Variants in ZFHX4 observed in about 807,000 individuals in gnomAD.
ZFHX4 encodes the protein zinc finger homeobox protein 4.
A neutral mutation model predicts 267.6 loss-of-function variants in ZFHX4; 56 were observed. The observed-to-expected ratio is 0.21, with a 90% CI of 0.17 to 0.26. The LOEUF is 0.26. Ranked by LOEUF, ZFHX4 falls within the 10% of genes least tolerant of loss-of-function variation. The probability of loss-of-function intolerance (pLI) is 1.00; values close to 1 mark genes in which losing one functional copy is unlikely to be tolerated. For synonymous variants in ZFHX4, 1,778 were observed against 1,665.6 expected (o/e 1.07, Z -1.64); for missense variants, 4,332 against 4,420.0 (o/e 0.98, Z 0.56).
intron 3 of ZFHX4, among the ~76,000 whole-genome samples, chr8:76,761,888 T>G (rs1809923870): frequency 6.6e-6 from 1 of 152,202 alleles, no homozygotes; most frequent in South Asian, 2.1e-4. Context: ...TAGGATCACT[T>G]GAGAATACTT....
chr8:76,824,409 A>G (rs1395342540), intron 4 of ZFHX4, among the ~76,000 whole-genome samples: 2 of 152,086 alleles, frequency 1.3e-5, no homozygotes, highest in Admixed American at 6.6e-5. Flanking sequence ...GATTGTTCGT[A>G]TCTTCTCATC....
rs762365099 is a variant in ZFHX4, at chr8:76,852,480, A to G, written c.5559A>G (p.Pro1853=). The G allele has an allele frequency of 1.3e-5, 20 of 1,588,696 alleles. No homozygotes were observed. The highest frequency in any genetic ancestry group is 9.2e-5 in the South Asian group (8 of 87,164). The change falls in exon 10 of 11, where the codon CCA becomes CCG. Residue 1853 remains proline, a synonymous_variant. Coordinates refer to ENST00000651372, the MANE Select transcript of ZFHX4 (RefSeq NM_024721.5). The part of the protein sequence containing the change: ...SADCQIMKDV[P]SYKEAEDISE... The stretch of plus-strand genomic sequence containing the variant: ...ACTGCCAAATCATGAAGGATGTGCC[A>G]TCTTATAAGGAGGCAGAAGATATTT...
rs566742230 is a variant in ZFHX4 at position 76,761,079 on chromosome 8, T to C, written c.3094-17129T>C. Among the ~76,000 whole-genome samples, 6 of 152,332 alleles carry C rather than the reference T, an allele frequency of 3.9e-5. No individual in the cohort carries two copies. The South Asian group carries it at 1.2e-3, about 32-fold the overall frequency. Reference sequence around the variant, plus strand: ...TCCATCACAAGGGAAAAGTGTCCTGTATCCCAATTTCAGTTAACCCATTCT... The same window carrying C: ...TCCATCACAAGGGAAAAGTGTCCTGCATCCCAATTTCAGTTAACCCATTCT... On this transcript the variant is annotated intron_variant, in intron 3 of 10. Coordinates refer to ENST00000651372, the MANE Select transcript of ZFHX4 (RefSeq NM_024721.5).
At chr8:76,847,254 C>T (rs575100350) in intron 6 of ZFHX4, among the ~76,000 whole-genome samples, 16 of 152,062 alleles carry the variant, frequency 1.1e-4, no homozygotes, top group South Asian at 4.2e-4. Flanking sequence ...TTTTTTGATT[C>T]CAGACTTAAT....
chr8:76,843,355 T>C (rs939095258), intron 6 of ZFHX4, among the ~76,000 whole-genome samples: 4 of 152,162 alleles, frequency 2.6e-5, no homozygotes, highest in East Asian at 1.9e-4. Flanking sequence ...GGAAATATCA[T>C]TGAAAAGGGA....
intron 1 of ZFHX4, among the ~76,000 whole-genome samples, chr8:76,691,444 G>T (rs373390197): frequency 6.6e-6 from 1 of 152,104 alleles, no homozygotes; most frequent in Non-Finnish European, 1.5e-5. Flanking sequence ...AGTCAAGGCT[G>T]TGATGTTTTG....
Position 76,705,426 on chromosome 8 carries a change from A to G in ZFHX4, c.1338A>G (p.Glu446=). ...GCAAAGACCAAGAGAACAACTGTGA[A>G]AGGCCAAAAGAAAGCAACGTTTTAC... ...SESKDQENNC[E]RPKESNVLHP... Residue 446 remains glutamate, a synonymous_variant, in exon 2 of 11, where the codon GAA becomes GAG. Transcript: ENST00000651372. 6.2e-7 allele frequency: 1 copy of G among 1,613,848 alleles called. No individual in the cohort carries two copies. The highest frequency in any genetic ancestry group is 8.5e-7 in the Non-Finnish European group (1 of 1,179,866).
rs576281163 is a variant in ZFHX4 at position 76,822,950 on chromosome 8, T to A, written c.3326-10388T>A. Reference sequence around the variant, plus strand: ...CAAGATCTAGTCCCATAAACTTATATGTTTACTAAACCTCTCTACTCAAAT... The same window carrying A: ...CAAGATCTAGTCCCATAAACTTATAAGTTTACTAAACCTCTCTACTCAAAT... On this transcript the variant is annotated intron_variant, in intron 4 of 10. Coordinates refer to ENST00000651372, the MANE Select transcript of ZFHX4 (RefSeq NM_024721.5). Among the ~76,000 whole-genome samples the A allele has an allele frequency of 2.6e-5, 4 of 152,288 alleles. 1 individual carries two copies. The South Asian group carries it at 8.3e-4, about 32-fold the overall frequency.
rs764694572 is a variant in ZFHX4 at position 76,855,382 on chromosome 8, A to G, written c.8461A>G (p.Thr2821Ala). The G allele has an allele frequency of 4.3e-6, 7 of 1,613,716 alleles. No individual in the cohort carries two copies. Among genetic ancestry groups the G allele is most frequent in the Middle Eastern group, 1.6e-4 (1 of 6,082 alleles). Residue 2821 changes from threonine (T) to alanine (A), a missense_variant, in exon 10 of 11, where the codon ACT (threonine) becomes GCT (alanine). This residue lies in a region of ZFHX4 where 1,648 missense variants were observed against 1,625.0 expected (regional missense o/e 1.01). Transcript: ENST00000651372. The stretch of plus-strand genomic sequence containing the variant: ...CGCCACCACCGGAGACGAGGGAAAC[A>G]CTGAAATGGAAAGCACCACAGGAAG... ...SDATTGDEGN[T>A]EMESTTGSSG... is the part of the protein sequence containing the mutation.
chr8:76,742,157 A>G lies in ZFHX4; in HGVS notation c.3093+34109A>G, dbSNP rs1809334889. 2.6e-5 allele frequency among the ~76,000 whole-genome samples: 4 copies of G among 152,360 alleles called. No individual in the cohort carries two copies. In the South Asian group the frequency reaches 8.3e-4, roughly 32 times the overall value. Reference sequence around the variant, plus strand: ...AGGCATTGTGTGTTAAGTAGTGGTTAGAAAAAGGACGTTTGGATGGTGTAG... The same window carrying G: ...AGGCATTGTGTGTTAAGTAGTGGTTGGAAAAAGGACGTTTGGATGGTGTAG... On this transcript the variant is annotated intron_variant, in intron 3 of 10. Transcript: ENST00000651372.
chr8:76,848,244 G>A, intron 6 of ZFHX4, among the ~76,000 whole-genome samples: 2 of 152,254 alleles, frequency 1.3e-5, no homozygotes, highest in Middle Eastern at 6.8e-3. Context: ...ATGCTGGAAA[G>A]AATTTTCTGT....
chr8:76,715,481 T>TA (rs764567552), intron 3 of ZFHX4, among the ~76,000 whole-genome samples: 1,620 of 62,302 alleles, frequency 0.026, 78 homozygotes, highest in East Asian at 0.15. Context: ...GACTCCATCT[T>TA]AAAAAAAAAA....
At chr8:76,721,927 T>C (rs1808732347) in intron 3 of ZFHX4, among the ~76,000 whole-genome samples, 1 of 152,170 alleles carries the variant, frequency 6.6e-6, no homozygotes, top group African/African-American at 2.4e-5. Context: ...CTGGTACTTT[T>C]CTTGCTAACT....
In ZFHX4 at chr8:76,863,929, C is replaced by CAGAA. The variant is rs1301483062; in HGVS notation, c.10218_10221dup (p.Cys3408LysfsTer8). 2 of 1,597,574 alleles carry CAGAA rather than the reference C, an allele frequency of 1.3e-6. No homozygotes were observed. Among genetic ancestry groups the CAGAA allele is most frequent in the Admixed American group, 3.5e-5 (2 of 56,952 alleles). On this transcript the variant is annotated frameshift_variant, in exon 11 of 11. Coordinates refer to ENST00000651372, the MANE Select transcript of ZFHX4 (RefSeq NM_024721.5). LOFTEE classifies it high-confidence loss of function. The stretch of plus-strand genomic sequence containing the variant: ...CATTCGTCAAGTATGAGTTTATATG[C>CAGAA]AGAAAGTGCCAGATGATGTTTACTG...
intron 3 of ZFHX4, among the ~76,000 whole-genome samples, chr8:76,713,397 GGA>G (rs1293945276): frequency 6.6e-6 from 1 of 152,128 alleles, no homozygotes; most frequent in Non-Finnish European, 1.5e-5. Context: ...ATCCATGTCA[GGA>G]TAGATAGAAT....
chr8:76,747,267 T>C (rs1179577258), intron 3 of ZFHX4, among the ~76,000 whole-genome samples: 1 of 152,182 alleles, frequency 6.6e-6, no homozygotes, highest in African/African-American at 2.4e-5. Flanking sequence ...AGCTCGATTT[T>C]TGTTCCTTCC....
intron 1 of ZFHX4, among the ~76,000 whole-genome samples, chr8:76,703,383 G>A (rs1196525950): frequency 2.0e-5 from 3 of 152,186 alleles, no homozygotes; most frequent in Non-Finnish European, 2.9e-5. Flanking sequence ...CCATTGAGGT[G>A]ACTGAAGTGT....
chr8:76,823,560 A>T (rs189599744), intron 4 of ZFHX4, among the ~76,000 whole-genome samples: 3 of 152,054 alleles, frequency 2.0e-5, no homozygotes, highest in Admixed American at 2.0e-4. Context: ...GATTTCTTTC[A>T]CTTATGTTTG....
intron 3 of ZFHX4, among the ~76,000 whole-genome samples, chr8:76,722,196 A>T (rs1585882348): frequency 1.3e-5 from 2 of 152,150 alleles, no homozygotes; most frequent in South Asian, 4.2e-4. Flanking sequence ...ATCATTGTGT[A>T]ATTTTTTCTT....
Sources: allele counts gnomAD v4.1 joint callset (sites outside exome capture counted in the v4.1 genomes callset), GRCh38; gene constraint gnomAD v4.1.1; regional missense constraint gnomAD v4.1.1; transcripts MANE v1.5; gene names NCBI Gene and HGNC (gene_info 2026-07-23, HGNC 2026-07-21).